Variants in DRGX observed in about 807,000 individuals in gnomAD.
DRGX encodes dorsal root ganglia homeobox protein.
DRGX carries 21 observed loss-of-function variants against 28.6 expected under a neutral mutation model. That is an observed-to-expected ratio of 0.73 (90% CI 0.52 to 1.06). The LOEUF is 1.06. Ranked by LOEUF, DRGX falls within the 50% of genes least tolerant of loss-of-function variation. The pLI, the probability that DRGX is intolerant of heterozygous loss-of-function variation, is 0.00. For missense variants in DRGX, 354 were observed against 343.9 expected (o/e 1.03, Z -0.23); for synonymous variants, 136 against 139.1 (o/e 0.98, Z 0.16).
intron 6 of DRGX, among the ~76,000 whole-genome samples, chr10:49,369,618 C>A (rs1849633376): frequency 6.6e-6 from 1 of 152,080 alleles, no homozygotes; most frequent in Non-Finnish European, 1.5e-5. Context: ...GAATTGTTCG[C>A]CGGTCAGAGC....
intron 6 of DRGX, among the ~76,000 whole-genome samples, chr10:49,379,296 A>C (rs1849748959): frequency 6.6e-6 from 1 of 152,226 alleles, no homozygotes; most frequent in Non-Finnish European, 1.5e-5. Flanking sequence ...ACATGGAGTT[A>C]GGAGTGTGGA....
Position 49,386,796 on chromosome 10 carries a change from C to G in DRGX, c.297G>C (p.Glu99Asp), listed in dbSNP as rs780016300. Residue 99 changes from glutamate to aspartate, a missense_variant, in exon 5 of 7, where the codon GAG becomes GAC. Transcript: ENST00000374139. ...CTGCCATGGGCTCCTTGGCTCCTGG[C>G]TCCTGGTCTGAGGCCCCTCTCTCTG... ...RKTERGASDQ[E>D]PGAKEPMAEV... is the part of the protein sequence containing the mutation. 1.2e-6 allele frequency: 2 copies of G among 1,606,822 alleles called. No homozygotes were observed. Among genetic ancestry groups the G allele is most frequent in the Non-Finnish European group, 1.7e-6 (2 of 1,177,076 alleles).
intron 6 of DRGX, among the ~76,000 whole-genome samples, chr10:49,368,366 G>A (rs1311542929): frequency 6.6e-6 from 1 of 152,248 alleles, no homozygotes; most frequent in African/African-American, 2.4e-5. Flanking sequence ...TGAGTGTGAG[G>A]CAGCACACAC....
At chr10:49,390,303 C>A in intron 3 of DRGX, 69 bp from the exon 4 acceptor site, 1 of 1,350,674 alleles carries the variant, frequency 7.4e-7, no homozygotes, top group South Asian at 1.3e-5. Flanking sequence ...ATGCATATTT[C>A]AAATCTCCTG....
At chr10:49,372,827 C>T (rs540277991) in intron 6 of DRGX, among the ~76,000 whole-genome samples, 3 of 152,340 alleles carry the variant, frequency 2.0e-5, no homozygotes, top group Non-Finnish European at 4.4e-5. Context: ...ATTTTTTCCT[C>T]AGTGAAATCT....
In DRGX at chr10:49,377,330, C is replaced by T. The variant is rs147987183; in HGVS notation, c.526+9148G>A. On this transcript the variant is annotated intron_variant, in intron 6 of 6. Transcript: ENST00000374139. ...GTATAAATAGTCCCAACTGGAAGTACGGGTGGTCAACAACAAACACCCCAA... is the reference window on the plus strand; with the variant it reads ...GTATAAATAGTCCCAACTGGAAGTATGGGTGGTCAACAACAAACACCCCAA... Among the ~76,000 whole-genome samples the T allele has an allele frequency of 3.6e-3, 548 of 152,336 alleles. 3 individuals carry two copies. The highest frequency in any genetic ancestry group is 0.012 in the African/African-American group (495 of 41,580).
At position 49,373,746 on chromosome 10, in the gene DRGX, G is replaced by A. The variant is rs370845782; in HGVS notation, c.527-7365C>T. Among the ~76,000 whole-genome samples the A allele has an allele frequency of 2.3e-4, 35 of 152,092 alleles. 1 individual carries two copies. The highest frequency in any genetic ancestry group is 1.3e-4 in the Non-Finnish European group (9 of 68,020). On this transcript the variant is annotated intron_variant, in intron 6 of 6. Transcript: ENST00000374139. ...AAATTTCCATTGTTTATAAGTCCCCGGGTTTACGGTATTTAGTTATAGCAG... is the reference window on the plus strand; with the variant it reads ...AAATTTCCATTGTTTATAAGTCCCCAGGTTTACGGTATTTAGTTATAGCAG...
intron 6 of DRGX, among the ~76,000 whole-genome samples, chr10:49,384,303 G>A (rs567903352): frequency 1.8e-3 from 272 of 152,324 alleles, no homozygotes; most frequent in African/African-American, 2.5e-3. Context: ...CTGGAAACAC[G>A]GTATGTCGCC....
intron 3 of DRGX, 49 bp from the exon 4 acceptor site, chr10:49,390,283 G>C (rs1487736251): frequency 6.7e-7 from 1 of 1,501,476 alleles, no homozygotes; most frequent in African/African-American, 1.4e-5. Flanking sequence ...GGCTAGGTGA[G>C]GGGAAGCAGA....
intron 6 of DRGX, among the ~76,000 whole-genome samples, chr10:49,373,029 C>T (rs1849677530): frequency 6.6e-6 from 1 of 152,052 alleles, no homozygotes; most frequent in African/African-American, 2.4e-5. Flanking sequence ...TTCAGCAGCA[C>T]ATGCACTAAA....
rs377019394 is a variant in DRGX, at chr10:49,383,072, C to T, written c.526+3406G>A. Among the ~76,000 whole-genome samples the T allele has an allele frequency of 4.6e-5, 7 of 152,192 alleles. No homozygotes were observed. In the East Asian group the frequency reaches 1.2e-3, roughly 25 times the overall value. Reference sequence around the variant, plus strand: ...CAGGGCTGACCTGCTGACTCCAAGGCAGCCCCAGGGACTGGCAGCTCAGAA... The same window carrying T: ...CAGGGCTGACCTGCTGACTCCAAGGTAGCCCCAGGGACTGGCAGCTCAGAA... On this transcript the variant is annotated intron_variant, in intron 6 of 6. Coordinates refer to ENST00000374139, the MANE Select transcript of DRGX (RefSeq NM_001276451.2).
At chr10:49,389,609 GC>G (rs1393511508) in intron 4 of DRGX, among the ~76,000 whole-genome samples, 1 of 152,180 alleles carries the variant, frequency 6.6e-6, no homozygotes. Flanking sequence ...CTCTGAAGCA[GC>G]CCTATCACTA....
In DRGX at chr10:49,379,349, T is replaced by A. The variant is rs149803544; in HGVS notation, c.526+7129A>T. ...TGGATGCTTGAAACCATTAATAAAGTCCTAGGTGCAAGCTTCGTGCATTTT... is the reference window on the plus strand; with the variant it reads ...TGGATGCTTGAAACCATTAATAAAGACCTAGGTGCAAGCTTCGTGCATTTT... On this transcript the variant is annotated intron_variant, in intron 6 of 6. Transcript: ENST00000374139. Among the ~76,000 whole-genome samples the A allele has an allele frequency of 5.3e-3, 806 of 152,314 alleles. 1 individual carries two copies. Among genetic ancestry groups the A allele is most frequent in the Non-Finnish European group, 7.6e-3 (515 of 68,026 alleles).
At chr10:49,378,912 T>C (rs974038145) in intron 6 of DRGX, among the ~76,000 whole-genome samples, 1 of 152,206 alleles carries the variant, frequency 6.6e-6, no homozygotes, top group African/African-American at 2.4e-5. Flanking sequence ...ACTATATATA[T>C]AGTACATATA....
chr10:49,386,007 G>T (rs1218426958), intron 6 of DRGX, among the ~76,000 whole-genome samples: 1 of 152,140 alleles, frequency 6.6e-6, no homozygotes, highest in African/African-American at 2.4e-5. Context: ...AACAGCCACC[G>T]AGAAGAGAGC....
Position 49,366,224 on chromosome 10 carries a change from A to T in DRGX, c.684T>A (p.Pro228=). ...CAGGGCCGGGGCTGCTGCTGGTGGAAGGCAGGAGGTTGGCTGACTGCAGGA... is the reference window on the plus strand; with the variant it reads ...CAGGGCCGGGGCTGCTGCTGGTGGATGGCAGGAGGTTGGCTGACTGCAGGA... ...EAVLQSANLL[P]STSSSPGPVA... The change falls in exon 7 of 7, where the codon CCT becomes CCA. Residue 228 remains proline, a synonymous_variant. Coordinates refer to ENST00000374139, the MANE Select transcript of DRGX (RefSeq NM_001276451.2). The T allele has an allele frequency of 6.2e-7, 1 of 1,613,810 alleles. No individual in the cohort carries two copies. The highest frequency in any genetic ancestry group is 8.5e-7 in the Non-Finnish European group (1 of 1,179,822).
At chr10:49,372,234 T>C (rs1218014905) in intron 6 of DRGX, among the ~76,000 whole-genome samples, 1 of 152,198 alleles carries the variant, frequency 6.6e-6, no homozygotes, top group Non-Finnish European at 1.5e-5. Context: ...TATTATGTCA[T>C]AAGGTGACAA....
intron 6 of DRGX, among the ~76,000 whole-genome samples, chr10:49,382,896 C>CTGTG (rs142507811): frequency 6.6e-6 from 1 of 151,788 alleles, no homozygotes; most frequent in South Asian, 2.1e-4. Flanking sequence ...GACTGCCACA[C>CTGTG]TGTGTGTGTG....
intron 6 of DRGX, among the ~76,000 whole-genome samples, 152 bp downstream of exon 6, chr10:49,386,316 TAGCACTGGAC>T (rs1849833434): frequency 6.6e-6 from 1 of 152,086 alleles, no homozygotes; most frequent in South Asian, 2.1e-4. Context: ...GCAATCAAGA[TAGCACTGGAC>T]AGCACCAGTG....
Sources: allele counts gnomAD v4.1 joint callset (sites outside exome capture counted in the v4.1 genomes callset), GRCh38; gene constraint gnomAD v4.1.1; transcripts MANE v1.5; gene names NCBI Gene and HGNC (gene_info 2026-07-23, HGNC 2026-07-21).